TMEM178B: variants seen among roughly 807,000 people sequenced by gnomAD.
The protein encoded by TMEM178B is transmembrane protein 178B.
TMEM178B carries 5 observed loss-of-function variants against 31.0 expected under a neutral mutation model. The observed-to-expected ratio is 0.16, with a 90% CI of 0.08 to 0.34. The LOEUF is 0.34. TMEM178B is among the 10% of genes least tolerant of loss of function. TMEM178B has a pLI of 1.00. For missense variants in TMEM178B, 275 were observed against 400.3 expected, an observed-to-expected ratio of 0.69 and a Z score of 2.67; for synonymous variants, 164 against 164.0, an observed-to-expected ratio of 1.00 and a Z score of 0.00.
At chr7:141,222,678 G>A (rs1797275213) in intron 2 of TMEM178B, among the ~76,000 whole-genome samples, 2 of 152,146 alleles carry the variant, frequency 1.3e-5, no homozygotes, top group Admixed American at 6.5e-5. Flanking sequence ...GTTTGACTCT[G>A]TGCAACCTGT....
rs1224462806 is a variant in TMEM178B at position 141,477,042 on chromosome 7, T to C, written c.*6256T>C. On this transcript the variant is annotated 3_prime_UTR_variant, in exon 4 of 4. Coordinates refer to ENST00000565468, the MANE Select transcript of TMEM178B (RefSeq NM_001195278.2). ...CCAGGTGTTGCTCCTTAAGGAACTC[T>C]GTATCCCTCTCTCCTCTCCAGAACC... 1 of 154,898 alleles carries C rather than the reference T, an allele frequency of 6.5e-6. No individual in the cohort carries two copies. The highest frequency in any genetic ancestry group is 1.5e-5 in the Non-Finnish European group (1 of 68,292). 9.6% of individuals were successfully genotyped at this position (154,898 alleles called of 1,614,324 possible).
chr7:141,241,010 TTA>T (rs1380978472), intron 2 of TMEM178B, among the ~76,000 whole-genome samples: 13 of 145,988 alleles, frequency 8.9e-5, no homozygotes, highest in African/African-American at 3.1e-4. Context: ...TTTTTTTTTT[TTA>T]AATTTATTTC....
intron 2 of TMEM178B, among the ~76,000 whole-genome samples, chr7:141,251,460 C>T (rs192547364): frequency 2.0e-5 from 3 of 152,098 alleles, no homozygotes; most frequent in African/African-American, 7.2e-5. Context: ...GAGCAATGTA[C>T]CCTCATGGCT....
chr7:141,185,131 C>T (rs897919558), intron 1 of TMEM178B, among the ~76,000 whole-genome samples: 6 of 152,176 alleles, frequency 3.9e-5, no homozygotes, highest in African/African-American at 1.4e-4. Context: ...GCTCCAACCC[C>T]ACGGCAGTAT....
At position 141,472,497 on chromosome 7, in the gene TMEM178B, G is replaced by C. The variant is rs543732200; in HGVS notation, c.*1711G>C. 1 of 152,166 alleles carries C rather than the reference G, an allele frequency of 6.6e-6. No individual in the cohort carries two copies. The highest frequency in any genetic ancestry group is 2.4e-5 in the African/African-American group (1 of 41,438). The allele number at this position is 152,166 out of a possible 1,614,324, so 9.4% of individuals were successfully genotyped here. ...GAGTCTGCTGGAGTGGGCTGGAGCC[G>C]CTCACAGTCATCTCAGTGAGCCTGC... On this transcript the variant is annotated 3_prime_UTR_variant, in exon 4 of 4. Coordinates refer to ENST00000565468, the MANE Select transcript of TMEM178B (RefSeq NM_001195278.2).
chr7:141,117,350 TTTGA>T (rs1258446078), intron 1 of TMEM178B, among the ~76,000 whole-genome samples: 20 of 152,314 alleles, frequency 1.3e-4, no homozygotes, highest in African/African-American at 4.8e-4. Context: ...TTGCCCACTT[TTTGA>T]TGGTTTTTTT....
chr7:141,261,627 A>T (rs1203670837), intron 2 of TMEM178B, among the ~76,000 whole-genome samples: 1 of 152,126 alleles, frequency 6.6e-6, no homozygotes, highest in Non-Finnish European at 1.5e-5. Context: ...CGTGATTATC[A>T]TTACAACTTC....
In TMEM178B at chr7:141,208,034, TA is replaced by T. The variant is rs565902585; in HGVS notation, c.383-4548del. Among the ~76,000 whole-genome samples, 9 of 151,088 alleles carry T rather than the reference TA, an allele frequency of 6.0e-5. 1 individual carries two copies. In the South Asian group the frequency reaches 1.3e-3, roughly 21 times the overall value. ...GTGAGACCCCCATCTCTACTAAAAA[TA>T]AAAAAAAATTAACTGGACATGGTGG... On this transcript the variant is annotated intron_variant, in intron 1 of 3. Transcript: ENST00000565468.
intron 2 of TMEM178B, among the ~76,000 whole-genome samples, chr7:141,283,432 C>T (rs1798397087): frequency 6.6e-6 from 1 of 152,186 alleles, no homozygotes; most frequent in African/African-American, 2.4e-5. Context: ...GCAGTGGCTT[C>T]CTTCTTAAAC....
intron 2 of TMEM178B, among the ~76,000 whole-genome samples, chr7:141,301,784 G>A (rs1413727117): frequency 6.6e-6 from 1 of 152,186 alleles, no homozygotes; most frequent in African/African-American, 2.4e-5. Flanking sequence ...CAGACTGCTT[G>A]TGAGCACCAG....
At chr7:141,219,312 G>A (rs969409821) in intron 2 of TMEM178B, among the ~76,000 whole-genome samples, 3 of 152,146 alleles carry the variant, frequency 2.0e-5, no homozygotes, top group Non-Finnish European at 4.4e-5. Context: ...CTGATGTTAT[G>A]GAAAACAGCC....
chr7:141,113,760 G>A (rs538891980), intron 1 of TMEM178B, among the ~76,000 whole-genome samples: 5 of 152,294 alleles, frequency 3.3e-5, no homozygotes, highest in South Asian at 2.1e-4. Flanking sequence ...GCAGCAAGCC[G>A]TGTATCACAG....
At chr7:141,432,225 G>T (rs2116671684) in intron 2 of TMEM178B, among the ~76,000 whole-genome samples, 1 of 131,504 alleles carries the variant, frequency 7.6e-6, no homozygotes, top group Non-Finnish European at 1.5e-5. Context: ...CATGATATTG[G>T]CTCACTGCAA....
chr7:141,316,312 A>G lies in TMEM178B; in HGVS notation c.496+103608A>G, dbSNP rs566365326. On this transcript the variant is annotated intron_variant, in intron 2 of 3. Coordinates refer to ENST00000565468, the MANE Select transcript of TMEM178B (RefSeq NM_001195278.2). ...GGGGAAATTGATATTCATCAAACCT[A>G]TAAATGCTGGTTATAAAAGCAGCAT... is the stretch of plus-strand genomic sequence containing the variant. 1.7e-3 allele frequency among the ~76,000 whole-genome samples: 262 copies of G among 152,330 alleles called. 2 individuals are homozygous for G. Among genetic ancestry groups the G allele is most frequent in the African/African-American group, 6.1e-3 (252 of 41,572 alleles).
rs35467292 is a variant in TMEM178B, at chr7:141,101,908, C to CAT, written c.382+27216_382+27217insAT. On this transcript the variant is annotated intron_variant, in intron 1 of 3. Coordinates refer to ENST00000565468, the MANE Select transcript of TMEM178B (RefSeq NM_001195278.2). ...CAGGTGCCTGGATAGTGTGTGTTAA[C>CAT]GTGTGTGTGTGTGTGTGTGTGTGTG... Among the ~76,000 whole-genome samples, 7 of 142,806 alleles carry CAT rather than the reference C, an allele frequency of 4.9e-5. No homozygotes were observed. The South Asian group carries it at 1.6e-3, about 32-fold the overall frequency. The allele number at this position is 142,806 out of a possible 152,430, so 93.7% of individuals were successfully genotyped here.
intron 3 of TMEM178B, among the ~76,000 whole-genome samples, chr7:141,456,227 C>T (rs534915109): frequency 6.6e-6 from 1 of 152,208 alleles, no homozygotes; most frequent in African/African-American, 2.4e-5. Flanking sequence ...ACCTTCTTAC[C>T]CCAATATCTA....
At chr7:141,365,788 G>A (rs1435228837) in intron 2 of TMEM178B, among the ~76,000 whole-genome samples, 3 of 152,164 alleles carry the variant, frequency 2.0e-5, no homozygotes, top group African/African-American at 7.2e-5. Context: ...CACAACTCTA[G>A]TATGACCTCG....
In TMEM178B at chr7:141,285,279, T is replaced by A. The variant is rs150798828; in HGVS notation, c.496+72575T>A. Among the ~76,000 whole-genome samples the A allele has an allele frequency of 5.4e-3, 816 of 149,800 alleles. 12 individuals carry two copies. The highest frequency in any genetic ancestry group is 0.024 in the South Asian group (112 of 4,672). On this transcript the variant is annotated intron_variant, in intron 2 of 3. Coordinates refer to ENST00000565468, the MANE Select transcript of TMEM178B (RefSeq NM_001195278.2). The stretch of plus-strand genomic sequence containing the variant: ...CATTCTCCTGCCTCAGCCTCCCGAG[T>A]AGCTGGGACTAGAGGTGCCCGCCAC...
intron 1 of TMEM178B, among the ~76,000 whole-genome samples, chr7:141,117,873 C>T (rs1350888702): frequency 6.6e-6 from 1 of 152,050 alleles, no homozygotes; most frequent in East Asian, 1.9e-4. Context: ...GTCTGTATGT[C>T]TGTTTTGGTA....
Sources: allele counts gnomAD v4.1 joint callset (sites outside exome capture counted in the v4.1 genomes callset), GRCh38; gene constraint gnomAD v4.1.1; transcripts MANE v1.5; gene names NCBI Gene and HGNC (gene_info 2026-07-23, HGNC 2026-07-21).